Variants in LPP observed in about 807,000 individuals in gnomAD.
LPP encodes LIM domain containing preferred translocation partner in lipoma, also known as lipoma-preferred partner.
A neutral mutation model predicts 60.4 loss-of-function variants in LPP; 38 were observed. The observed-to-expected ratio is 0.63, with a 90% CI of 0.49 to 0.83. The LOEUF (loss-of-function observed/expected upper bound fraction) is 0.83, where lower values mean the gene tolerates loss of function less well. Ranked by LOEUF, LPP falls within the 40% of genes least tolerant of loss-of-function variation. The pLI is 0.00. For missense variants in LPP, 902 were observed against 783.6 expected (o/e 1.15, Z -1.80); for synonymous variants, 328 against 290.8 (o/e 1.13, Z -1.30).
At chr3:188,781,059 T>C (rs1474111532) in intron 9 of LPP, among the ~76,000 whole-genome samples, 1 of 152,220 alleles carries the variant, frequency 6.6e-6, no homozygotes, top group East Asian at 1.9e-4. Flanking sequence ...AGACTGGTGT[T>C]ATGTGTATTC....
At chr3:188,449,619 A>G (rs1796126724) in intron 4 of LPP, among the ~76,000 whole-genome samples, 1 of 152,138 alleles carries the variant, frequency 6.6e-6, no homozygotes, top group Non-Finnish European at 1.5e-5. Flanking sequence ...CTGGTGAGTC[A>G]GTAGCTGAGG....
At chr3:188,769,310 T>TA (rs1735133956) in intron 9 of LPP, among the ~76,000 whole-genome samples, 1 of 152,200 alleles carries the variant, frequency 6.6e-6, no homozygotes, top group Admixed American at 6.5e-5. Context: ...AATGAATAGT[T>TA]ACTACACTCT....
intron 1 of LPP, among the ~76,000 whole-genome samples, chr3:188,212,172 T>C (rs1343051604): frequency 2.0e-5 from 3 of 152,186 alleles, no homozygotes; most frequent in Non-Finnish European, 2.9e-5. Flanking sequence ...AGGAGTTGTT[T>C]TGAGACTCAC....
intron 4 of LPP, among the ~76,000 whole-genome samples, chr3:188,452,354 G>A (rs1796787502): frequency 6.6e-6 from 1 of 151,982 alleles, no homozygotes; most frequent in Non-Finnish European, 1.5e-5. Context: ...AGCATGTTGT[G>A]CGGCTGACTG....
At chr3:188,574,922 C>T (rs965356063) in intron 6 of LPP, among the ~76,000 whole-genome samples, 1 of 152,016 alleles carries the variant, frequency 6.6e-6, no homozygotes, top group African/African-American at 2.4e-5. Flanking sequence ...AAATTTCCCC[C>T]TTTTTTTCAT....
intron 2 of LPP, among the ~76,000 whole-genome samples, chr3:188,325,138 G>T (rs532914512): frequency 1.3e-5 from 2 of 151,926 alleles, no homozygotes; most frequent in African/African-American, 2.4e-5. Flanking sequence ...CAGCCATCAC[G>T]CTCGGCTAAT....
chr3:188,238,167 T>C (rs1722574052), intron 2 of LPP, among the ~76,000 whole-genome samples: 1 of 152,214 alleles, frequency 6.6e-6, no homozygotes, highest in South Asian at 2.1e-4. Context: ...ATTTTTCTTC[T>C]GTAGTTTCCT....
intron 9 of LPP, among the ~76,000 whole-genome samples, chr3:188,837,372 C>A (rs1758720809): frequency 9.0e-6 from 1 of 111,642 alleles, no homozygotes. Context: ...GAATGAGACT[C>A]CATCTCAAAC....
intron 4 of LPP, among the ~76,000 whole-genome samples, chr3:188,436,753 G>T (rs893673265): frequency 2.6e-5 from 4 of 152,106 alleles, no homozygotes; most frequent in African/African-American, 7.2e-5. Context: ...TTTTGAAAAA[G>T]AATATATATT....
chr3:188,721,040 C>T (rs190763388), intron 8 of LPP, among the ~76,000 whole-genome samples: 28 of 152,242 alleles, frequency 1.8e-4, no homozygotes, highest in Non-Finnish European at 3.4e-4. Flanking sequence ...GAAAGCTTCC[C>T]TTTCTTCAGT....
At chr3:188,210,557 A>G (rs1380604745) in intron 1 of LPP, among the ~76,000 whole-genome samples, 1 of 152,174 alleles carries the variant, frequency 6.6e-6, no homozygotes, top group Non-Finnish European at 1.5e-5. Flanking sequence ...TCTAATTTTG[A>G]GATCACAGAG....
chr3:188,366,568 C>A (rs961009970), intron 3 of LPP, among the ~76,000 whole-genome samples: 9 of 152,130 alleles, frequency 5.9e-5, no homozygotes, highest in African/African-American at 2.2e-4. Context: ...AATTCCTTAA[C>A]GTGTGTGAGG....
chr3:188,240,685 CT>C (rs1432534609), intron 2 of LPP, among the ~76,000 whole-genome samples: 2 of 152,102 alleles, frequency 1.3e-5, no homozygotes, highest in African/African-American at 4.8e-5. Context: ...AGTAAGGCTG[CT>C]CAGGTGGGAT....
chr3:188,303,373 T>A (rs186828831), intron 2 of LPP, among the ~76,000 whole-genome samples: 207 of 152,358 alleles, frequency 1.4e-3, no homozygotes, highest in African/African-American at 4.8e-3. Flanking sequence ...TCATTGGCTG[T>A]GTCACCAGTG....
intron 3 of LPP, among the ~76,000 whole-genome samples, chr3:188,390,643 A>G (rs1490470566): frequency 6.6e-6 from 1 of 151,440 alleles, no homozygotes; most frequent in Admixed American, 6.6e-5. Context: ...TCCGTCTACA[A>G]AAACTCCTTC....
chr3:188,233,735 T>C (rs1720903914), intron 2 of LPP, among the ~76,000 whole-genome samples: 1 of 152,216 alleles, frequency 6.6e-6, no homozygotes, highest in African/African-American at 2.4e-5. Context: ...TCTACTCCTG[T>C]TTAAATCTTC....
intron 7 of LPP, among the ~76,000 whole-genome samples, chr3:188,632,228 G>T (rs960478282): frequency 3.3e-5 from 5 of 152,072 alleles, no homozygotes; most frequent in Non-Finnish European, 7.4e-5. Context: ...TACATATGCT[G>T]ATGTCTACAG....
rs1167521539 is a variant in LPP at position 188,876,613 on chromosome 3, C to A, written c.*2134C>A. On this transcript the variant is annotated 3_prime_UTR_variant, in exon 12 of 12. Transcript: ENST00000617246. ...TTGACAATAGGGCTGATAATGTAAT[C>A]GGCTTGAATTTTGACTTAGTAACTT... 1 of 200,206 alleles carries A rather than the reference C, an allele frequency of 5.0e-6. No homozygotes were observed. The highest frequency in any genetic ancestry group is 2.3e-5 in the African/African-American group (1 of 43,472). 12.4% of individuals were successfully genotyped at this position (200,206 alleles called of 1,614,324 possible).
chr3:188,423,236 G>A (rs988680101), intron 4 of LPP, among the ~76,000 whole-genome samples: 2 of 152,054 alleles, frequency 1.3e-5, no homozygotes, highest in African/African-American at 4.8e-5. Context: ...TGCTGAGAAT[G>A]ATGGTTTCCA....
Sources: gnomAD v4.1 joint callset for allele counts (sites outside exome capture counted in the v4.1 genomes callset) on GRCh38, gnomAD v4.1.1 for gene constraint, MANE v1.5 for transcripts, NCBI Gene and HGNC (gene_info 2026-07-23, HGNC 2026-07-21) for gene names.